MYC: variants seen among roughly 807,000 people sequenced by gnomAD.
MYC encodes MYC proto-oncogene, bHLH transcription factor, also known as myc proto-oncogene protein.
Under a neutral mutation model 30.5 loss-of-function variants are expected in MYC, and 1 was observed. The observed-to-expected ratio is 0.03, with a 90% CI of 0.01 to 0.16. The LOEUF (loss-of-function observed/expected upper bound fraction) is 0.16, where lower values mean the gene tolerates loss of function less well. Ranked by LOEUF, MYC falls within the 10% of genes least tolerant of loss-of-function variation. The probability of loss-of-function intolerance (pLI) is 1.00; values close to 1 mark genes in which losing one functional copy is unlikely to be tolerated. For synonymous variants in MYC, 267 were observed against 250.7 expected, an observed-to-expected ratio of 1.07 and a Z score of -0.62; for missense variants, 508 against 589.0, an observed-to-expected ratio of 0.86 and a Z score of 1.42.
rs755545316 is a variant in MYC, at chr8:127,740,933, A to G, written c.1340A>G (p.Glu447Gly). 2 of 1,585,394 alleles carry G rather than the reference A, an allele frequency of 1.3e-6. No homozygotes were observed. Among genetic ancestry groups the G allele is most frequent in the Non-Finnish European group, 1.7e-6 (2 of 1,168,576 alleles). Residue 447 changes from glutamate (E) to glycine (G), a missense_variant, in exon 3 of 3, where the codon GAA (glutamate) becomes GGA (glycine). Coordinates refer to ENST00000621592, the MANE Select transcript of MYC (RefSeq NM_002467.6). Reference sequence around the variant, plus strand: ...CGAGAACAGTTGAAACACAAACTTGAACAGCTACGGAACTCTTGTGCGTAA... The same window carrying G: ...CGAGAACAGTTGAAACACAAACTTGGACAGCTACGGAACTCTTGTGCGTAA...
At chr8:127,736,656 A>AT (rs758079498) in intron 1 of MYC, 33 bp downstream of exon 1, 78 of 1,609,884 alleles carry the variant, frequency 4.8e-5, no homozygotes, top group Non-Finnish European at 5.8e-5. Flanking sequence ...CTTTTAATTT[A>AT]TTTTTTTATC....
At chr8:127,739,501 C>T (rs1335777531) in intron 2 of MYC, among the ~76,000 whole-genome samples, 1 of 152,110 alleles carries the variant, frequency 6.6e-6, no homozygotes, top group Non-Finnish European at 1.5e-5. Context: ...TGCCTGAGTG[C>T]GGGAGCCAGT....
At position 127,741,790 on chromosome 8, in the gene MYC, G is replaced by A. The variant is rs1813716893; in HGVS notation, c.*832G>A. Among the ~76,000 whole-genome samples the A allele has an allele frequency of 6.6e-6, 1 of 152,182 alleles. No homozygotes were observed. Among genetic ancestry groups the A allele is most frequent in the African/African-American group, 2.4e-5 (1 of 41,438 alleles). ...AAACTCCTGTTACTTTAGTTAACCA[G>A]TGCCAGTCCCCTGCTCACTCCAAAC... is the stretch of plus-strand genomic sequence containing the variant. On this transcript the variant is annotated 3_prime_UTR_variant, in exon 3 of 3. Coordinates refer to ENST00000621592, the MANE Select transcript of MYC (RefSeq NM_002467.6).
At position 127,738,761 on chromosome 8, in the gene MYC, G is replaced by A. The variant is rs772869147; in HGVS notation, c.544G>A (p.Gly182Ser). ...CAGCGGCAGCCCGAACCCCGCCCGCGGCCACAGCGTCTGCTCCACCTCCAG... is the reference window on the plus strand; with the variant it reads ...CAGCGGCAGCCCGAACCCCGCCCGCAGCCACAGCGTCTGCTCCACCTCCAG... Residue 182 changes from glycine to serine, a missense_variant, in exon 2 of 3, where the codon GGC becomes AGC. Around this residue, in one of 5 missense-constraint regions of MYC, gnomAD observed 364 missense variants for 381.1 expected, o/e 0.96. Coordinates refer to ENST00000621592, the MANE Select transcript of MYC (RefSeq NM_002467.6). The surrounding 1 kb of genome is among the most constrained non-coding windows in gnomAD (Gnocchi z 7.6). The A allele has an allele frequency of 1.9e-6, 3 of 1,610,992 alleles. No individual in the cohort carries two copies. Among genetic ancestry groups the A allele is most frequent in the Non-Finnish European group, 1.7e-6 (2 of 1,178,346 alleles).
In MYC at chr8:127,736,618, A is replaced by T; in HGVS notation, c.25A>T (p.Asn9Tyr). 6.2e-7 allele frequency: 1 copy of T among 1,614,184 alleles called. No individual in the cohort carries two copies. The highest frequency in any genetic ancestry group is 8.5e-7 in the Non-Finnish European group (1 of 1,180,022). The change falls in exon 1 of 3, where the codon AAC (asparagine) becomes TAC (tyrosine). Residue 9 changes from asparagine (N) to tyrosine (Y), a missense_variant. This residue lies in a region of MYC where 70 missense variants were observed against 84.5 expected (regional missense o/e 0.83). Coordinates refer to ENST00000621592, the MANE Select transcript of MYC (RefSeq NM_002467.6). ...GCTGGATTTTTTTCGGGTAGTGGAA[A>T]ACCAGGTAAGCACCGAAGTCCACTT... is the stretch of plus-strand genomic sequence containing the variant.
chr8:127,737,028 C>T (rs1813603670), intron 1 of MYC, among the ~76,000 whole-genome samples: 1 of 152,240 alleles, frequency 6.6e-6, no homozygotes, highest in Admixed American at 6.5e-5. Flanking sequence ...GTAGGGACCG[C>T]ATATCGCCTG....
chr8:127,735,884 C>A, upstream of MYC: 2 of 399,096 alleles, frequency 5.0e-6, no homozygotes, highest in Non-Finnish European at 8.8e-6. Context: ...CTGTTTACAT[C>A]CTAGAGCTAG....
chr8:127,740,292 C>A, intron 2 of MYC, 104 bp from the exon 3 acceptor site: 1 of 1,230,482 alleles, frequency 8.1e-7, no homozygotes, highest in Non-Finnish European at 1.1e-6. Context: ...GTCCAGAGAC[C>A]TTTCTAACGT....
chr8:127,739,627 C>T (rs1234557810), intron 2 of MYC, among the ~76,000 whole-genome samples: 3 of 151,672 alleles, frequency 2.0e-5, no homozygotes, highest in Non-Finnish European at 2.9e-5. Flanking sequence ...TTCCTTCCCC[C>T]GCCCTCTTGG....
chr8:127,738,726 C>A lies in MYC; in HGVS notation c.509C>A (p.Ala170Glu), dbSNP rs1813652258. The change falls in exon 2 of 3, where the codon GCG (alanine) becomes GAG (glutamate). Residue 170 changes from alanine (A) to glutamate (E), a missense_variant. Physicochemically the swap from Ala to Glu is moderately radical, Grantham distance 107 (BLOSUM62 -1). Transcript: ENST00000621592. The surrounding 1 kb of genome is among the most constrained non-coding windows in gnomAD (Gnocchi z 7.6). ...GAGAAGCTGGCCTCCTACCAGGCTG[C>A]GCGCAAAGACAGCGGCAGCCCGAAC... is the stretch of plus-strand genomic sequence containing the variant. The A allele has an allele frequency of 6.2e-7, 1 of 1,613,830 alleles. No individual in the cohort carries two copies.
At position 127,738,736 on chromosome 8, in the gene MYC, C is replaced by A. The variant is rs748962740; in HGVS notation, c.519C>A (p.Asp173Glu). 6.2e-7 allele frequency: 1 copy of A among 1,613,458 alleles called. No individual in the cohort carries two copies. Among genetic ancestry groups the A allele is most frequent in the Non-Finnish European group, 8.5e-7 (1 of 1,179,830 alleles). ...CCTCCTACCAGGCTGCGCGCAAAGA[C>A]AGCGGCAGCCCGAACCCCGCCCGCG... Residue 173 changes from aspartate (D) to glutamate (E), a missense_variant, in exon 2 of 3, where the codon GAC (aspartate) becomes GAA (glutamate). Asp to Glu is a conservative substitution (Grantham distance 45, BLOSUM62 2). Around this residue, in one of 5 missense-constraint regions of MYC, gnomAD observed 364 missense variants for 381.1 expected, o/e 0.96. Transcript: ENST00000621592. This position sits in a 1 kb window ranked among gnomAD's most constrained non-coding sequence, Gnocchi z 7.6.
chr8:127,736,018 G>T, upstream of MYC: 1 of 338,802 alleles, frequency 3.0e-6, no homozygotes, highest in Non-Finnish European at 5.2e-6. Flanking sequence ...ATCCTCTCTC[G>T]CTAATCTCCG....
chr8:127,741,184 G>T lies in MYC; in HGVS notation c.*226G>T. On this transcript the variant is annotated 3_prime_UTR_variant, in exon 3 of 3. Transcript: ENST00000621592. ...TTTAACAGATTTGTATTTAAGAATT[G>T]TTTTTAAAAAATTTTAAGATTTACA... 5.1e-6 allele frequency: 2 copies of T among 394,666 alleles called. No homozygotes were observed. The highest frequency in any genetic ancestry group is 7.4e-5 in the East Asian group (2 of 26,992). 24.4% of individuals were successfully genotyped at this position (394,666 alleles called of 1,614,324 possible). A position where few individuals can be genotyped will look rare whatever the true frequency, so the allele number is the denominator to read the frequency against.
In MYC at chr8:127,738,798, A is replaced by C. The variant is rs775690959; in HGVS notation, c.581A>C (p.Gln194Pro). The stretch of plus-strand genomic sequence containing the variant: ...TGCTCCACCTCCAGCTTGTACCTGC[A>C]GGATCTGAGCGCCGCCGCCTCAGAG... Residue 194 changes from glutamine (Q) to proline (P), a missense_variant, in exon 2 of 3, where the codon CAG becomes CCG. By Grantham distance (76) the Gln-to-Pro change is moderately conservative (BLOSUM62 -1). Coordinates refer to ENST00000621592, the MANE Select transcript of MYC (RefSeq NM_002467.6). The surrounding 1 kb of genome is among the most constrained non-coding windows in gnomAD (Gnocchi z 7.6). 1 of 1,609,470 alleles carries C rather than the reference A, an allele frequency of 6.2e-7. No homozygotes were observed. The highest frequency in any genetic ancestry group is 8.5e-7 in the Non-Finnish European group (1 of 1,177,520).
rs181649764 is a variant in MYC, at chr8:127,741,699, T to A, written c.*741T>A. 3.3e-4 allele frequency among the ~76,000 whole-genome samples: 50 copies of A among 152,074 alleles called. No individual in the cohort carries two copies. The highest frequency in any genetic ancestry group is 5.6e-4 in the Non-Finnish European group (38 of 67,972). ...AGGTAGGCAAAGGAGATACAAGAGG[T>A]CAAAGGTAGCAGTTAAGTACACAAA... On this transcript the variant is annotated 3_prime_UTR_variant, in exon 3 of 3. Transcript: ENST00000621592.
chr8:127,737,505 G>T (rs569687120), intron 1 of MYC, among the ~76,000 whole-genome samples: 5 of 152,314 alleles, frequency 3.3e-5, no homozygotes, highest in African/African-American at 1.2e-4. Flanking sequence ...GTATCGCAGC[G>T]GGGTCTCTGG....
chr8:127,739,160 G>A, intron 2 of MYC, 141 bp downstream of exon 2: 7 of 965,488 alleles, frequency 7.3e-6, no homozygotes, highest in Non-Finnish European at 1.0e-5. Context: ...CATCACCTCT[G>A]AAACCTTGGG....
chr8:127,741,063 G>T lies in MYC; in HGVS notation c.*105G>T. 9.3e-7 allele frequency: 1 copy of T among 1,076,090 alleles called. No homozygotes were observed. The highest frequency in any genetic ancestry group is 1.3e-6 in the Non-Finnish European group (1 of 797,414). The allele number at this position is 1,076,090 out of a possible 1,614,324, so 66.7% of individuals were successfully genotyped here. ...AATGCAACCTCACAACCTTGGCTGA[G>T]TCTTGAGACTGAAAGATTTAGCCAT... is the stretch of plus-strand genomic sequence containing the variant. On this transcript the variant is annotated 3_prime_UTR_variant, in exon 3 of 3. Coordinates refer to ENST00000621592, the MANE Select transcript of MYC (RefSeq NM_002467.6).
chr8:127,740,445 G>C lies in MYC; in HGVS notation c.852G>C (p.Lys284Asn), dbSNP rs756770497. ...AAATCGATGTTGTTTCTGTGGAAAA[G>C]AGGCAGGCTCCTGGCAAAAGGTCAG... is the stretch of plus-strand genomic sequence containing the variant. Residue 284 changes from lysine (K) to asparagine (N), a missense_variant, in exon 3 of 3, where the codon AAG (lysine) becomes AAC (asparagine). Transcript: ENST00000621592. 2.5e-5 allele frequency: 40 copies of C among 1,614,006 alleles called. No individual in the cohort carries two copies. Among genetic ancestry groups the C allele is most frequent in the African/African-American group, 4.0e-5 (3 of 74,908 alleles).
Sources: gnomAD v4.1 joint callset for allele counts (sites outside exome capture counted in the v4.1 genomes callset) on GRCh38, gnomAD v4.1.1 for gene constraint, gnomAD v4.1.1 regional missense constraint, Gnocchi (gnomAD v3.1) non-coding constraint, MANE v1.5 for transcripts, NCBI Gene and HGNC (gene_info 2026-07-23, HGNC 2026-07-21) for gene names.